Variants in CSMD1 observed in about 807,000 individuals in gnomAD.
CSMD1 encodes the protein CUB and Sushi multiple domains 1, also known as CUB and sushi domain-containing protein 1.
CSMD1 carries 213 observed loss-of-function variants against 417.5 expected under a neutral mutation model. The observed-to-expected ratio is 0.51, with a 90% CI of 0.46 to 0.57. CSMD1 has a LOEUF of 0.57. CSMD1 is among the 20% of genes least tolerant of loss of function. The pLI is 0.00. For missense variants in CSMD1, 6,923 were observed against 4,529.7 expected (o/e 1.53, Z -15.17); for synonymous variants, 2,862 against 1,736.8 (o/e 1.65, Z -16.11).
At chr8:3,472,476 C>T (rs1434067427) in intron 11 of CSMD1, among the ~76,000 whole-genome samples, 4 of 152,144 alleles carry the variant, frequency 2.6e-5, no homozygotes, top group Non-Finnish European at 5.9e-5. Flanking sequence ...TACTACCAAT[C>T]TGTCCCATCT....
Position 4,629,531 on chromosome 8 carries a change from C to G in CSMD1, c.302+7811G>C, listed in dbSNP as rs149169024. Among the ~76,000 whole-genome samples the G allele has an allele frequency of 2.1e-3, 326 of 152,244 alleles. 1 individual carries two copies. The highest frequency in any genetic ancestry group is 6.8e-3 in the African/African-American group (284 of 41,548). ...CAAATTAAGAGAAACAATTCTTTGT[C>G]TTTCATACTTATTAGAAATATTTTA... On this transcript the variant is annotated intron_variant, in intron 2 of 69. Transcript: ENST00000635120.
At chr8:4,072,847 C>A (rs1371017639) in intron 3 of CSMD1, among the ~76,000 whole-genome samples, 1 of 152,284 alleles carries the variant, frequency 6.6e-6, no homozygotes, top group East Asian at 1.9e-4. Context: ...TCCACTACAA[C>A]AATTTAGAAG....
rs61494901 is a variant in CSMD1, at chr8:3,714,561, C to CAAAAAAAAAA, written c.932-6080_932-6071dup. 2.0e-3 allele frequency among the ~76,000 whole-genome samples: 144 copies of CAAAAAAAAAA among 70,578 alleles called. 44 individuals carry two copies. The highest frequency in any genetic ancestry group is 0.012 in the Middle Eastern group (1 of 86). The allele number at this position is 70,578 out of a possible 152,430, so 46.3% of individuals were successfully genotyped here. A position where few individuals can be genotyped will look rare whatever the true frequency, so the allele number is the denominator to read the frequency against. ...ACATGGCGAAACCCCATCTCTATCCCAAAAAAAAAAAAAAAAAAAATTAGC... is the reference window on the plus strand; with the variant it reads ...ACATGGCGAAACCCCATCTCTATCCCAAAAAAAAAAAAAAAAAAAAAAAAAAAAAATTAGC... On this transcript the variant is annotated intron_variant, in intron 6 of 69. Transcript: ENST00000635120.
chr8:4,325,814 T>C (rs1047420147), intron 3 of CSMD1, among the ~76,000 whole-genome samples: 1 of 152,120 alleles, frequency 6.6e-6, no homozygotes, highest in Non-Finnish European at 1.5e-5. Context: ...CTGATGACCC[T>C]GAGAACGACT....
intron 1 of CSMD1, among the ~76,000 whole-genome samples, chr8:4,917,241 G>C (rs1309066159): frequency 1.3e-5 from 2 of 152,176 alleles, no homozygotes; most frequent in Non-Finnish European, 2.9e-5. Context: ...TCTATCATGA[G>C]ACAGCAGTAG....
chr8:4,733,429 GA>G lies in CSMD1; in HGVS notation c.86-95872del, dbSNP rs1355496750. ...TCTTGGAAAGAAGGAAACAGACATA[GA>G]GGGAAGGTAGGTGTCGGAGAAGGAG... On this transcript the variant is annotated intron_variant, in intron 1 of 69. Coordinates refer to ENST00000635120, the MANE Select transcript of CSMD1 (RefSeq NM_033225.6). Among the ~76,000 whole-genome samples, 3 of 152,314 alleles carry G rather than the reference GA, an allele frequency of 2.0e-5. No individual in the cohort carries two copies. In the South Asian group the frequency reaches 6.2e-4, roughly 32 times the overall value.
At chr8:3,659,697 A>G (rs1399339472) in intron 7 of CSMD1, among the ~76,000 whole-genome samples, 1 of 152,084 alleles carries the variant, frequency 6.6e-6, no homozygotes, top group Admixed American at 6.6e-5. Flanking sequence ...GGGCTTTCCA[A>G]ACAAGCTCAA....
chr8:3,560,602 C>A (rs538348920), intron 10 of CSMD1, among the ~76,000 whole-genome samples: 6 of 152,168 alleles, frequency 3.9e-5, no homozygotes, highest in African/African-American at 9.6e-5. Flanking sequence ...AATGGAAAGG[C>A]TAGAGAAAAG....
intron 3 of CSMD1, among the ~76,000 whole-genome samples, chr8:4,385,342 CT>C (rs1258095364): frequency 2.2e-4 from 34 of 152,204 alleles, no homozygotes; most frequent in Non-Finnish European, 8.8e-5. Context: ...AAAACGGGCC[CT>C]TCACTGCCAC....
At chr8:4,263,860 T>C (rs1356398332) in intron 3 of CSMD1, among the ~76,000 whole-genome samples, 1 of 152,174 alleles carries the variant, frequency 6.6e-6, no homozygotes, top group African/African-American at 2.4e-5. Context: ...ATTAACTTAT[T>C]TGTGTTTTGA....
At position 3,910,259 on chromosome 8, in the gene CSMD1, G is replaced by A. The variant is rs192195119; in HGVS notation, c.818+87644C>T. Among the ~76,000 whole-genome samples the A allele has an allele frequency of 6.0e-3, 914 of 152,228 alleles. 3 individuals carry two copies. Among genetic ancestry groups the A allele is most frequent in the Non-Finnish European group, 9.8e-3 (668 of 68,014 alleles). ...GTGGGGAGGAAAATATGTCAGAGGC[G>A]TTTCCCAGCTGCTCAGCTCTCTCAC... On this transcript the variant is annotated intron_variant, in intron 5 of 69. Transcript: ENST00000635120.
intron 7 of CSMD1, among the ~76,000 whole-genome samples, chr8:3,663,707 C>T (rs117673498): frequency 9.2e-5 from 14 of 152,256 alleles, no homozygotes; most frequent in Middle Eastern, 3.4e-3. Context: ...TGCTTCCAGC[C>T]GTTCTGCCCG....
chr8:4,409,080 C>G (rs1343666964), intron 3 of CSMD1, among the ~76,000 whole-genome samples: 1 of 152,132 alleles, frequency 6.6e-6, no homozygotes, highest in Non-Finnish European at 1.5e-5. Context: ...GGATAGCAGA[C>G]TGTGAAGCCT....
chr8:4,942,667 G>A (rs1332105637), intron 1 of CSMD1, among the ~76,000 whole-genome samples: 1 of 152,116 alleles, frequency 6.6e-6, no homozygotes, highest in Non-Finnish European at 1.5e-5. Context: ...ACACATGTGA[G>A]TCACCGCATA....
At chr8:3,920,791 T>A (rs1809193744) in intron 5 of CSMD1, among the ~76,000 whole-genome samples, 1 of 152,172 alleles carries the variant, frequency 6.6e-6, no homozygotes, top group Non-Finnish European at 1.5e-5. Context: ...TTTGCGTATG[T>A]TAAAACAACC....
At chr8:4,443,845 T>C (rs187546297) in intron 2 of CSMD1, among the ~76,000 whole-genome samples, 2 of 152,346 alleles carry the variant, frequency 1.3e-5, no homozygotes, top group Admixed American at 1.3e-4. Context: ...AACGAACTTC[T>C]GGGTAACAAA....
intron 37 of CSMD1, among the ~76,000 whole-genome samples, chr8:3,166,955 T>C (rs1023078807): frequency 6.6e-6 from 1 of 152,202 alleles, no homozygotes; most frequent in East Asian, 1.9e-4. Flanking sequence ...CCATAAATGA[T>C]AATATATCAT....
At position 3,177,127 on chromosome 8, in the gene CSMD1, G is replaced by A. The variant is rs1025781044; in HGVS notation, c.5725+3983C>T. 4.6e-5 allele frequency among the ~76,000 whole-genome samples: 7 copies of A among 152,182 alleles called. No individual in the cohort carries two copies. The South Asian group carries it at 6.2e-4, about 14-fold the overall frequency. On this transcript the variant is annotated intron_variant, in intron 37 of 69. Coordinates refer to ENST00000635120, the MANE Select transcript of CSMD1 (RefSeq NM_033225.6). ...AACTCCCCCAGAAGAGACGAGAGCC[G>A]CATGCTACGTGTGAAGCAAAACAAT...
intron 3 of CSMD1, among the ~76,000 whole-genome samples, chr8:4,280,741 C>G (rs1036793560): frequency 6.6e-6 from 1 of 152,122 alleles, no homozygotes; most frequent in Non-Finnish European, 1.5e-5. Flanking sequence ...TTGTACTTTC[C>G]TAGTACCCAT....
Sources: gnomAD v4.1 joint callset for allele counts (sites outside exome capture counted in the v4.1 genomes callset) on GRCh38, gnomAD v4.1.1 for gene constraint, MANE v1.5 for transcripts, NCBI Gene and HGNC (gene_info 2026-07-23, HGNC 2026-07-21) for gene names.